MROH2B: variants seen among roughly 807,000 people sequenced by gnomAD.
The protein encoded by MROH2B is maestro heat like repeat family member 2B.
A neutral mutation model predicts 208.6 loss-of-function variants in MROH2B; 177 were observed. The observed-to-expected ratio is 0.85, with a 90% CI of 0.75 to 0.96. The LOEUF (loss-of-function observed/expected upper bound fraction) is 0.96. Ranked by LOEUF, MROH2B falls within the 40% of genes least tolerant of loss-of-function variation. The pLI, the probability that MROH2B is intolerant of heterozygous loss-of-function variation, is 0.00. For missense variants in MROH2B, 2,002 were observed against 1,878.7 expected, an observed-to-expected ratio of 1.07 and a Z score of -1.21; for synonymous variants, 728 against 659.0, an observed-to-expected ratio of 1.10 and a Z score of -1.60.
intron 6 of MROH2B, among the ~76,000 whole-genome samples, chr5:41,060,781 G>GA (rs1743612653): frequency 1.3e-5 from 2 of 152,168 alleles, no homozygotes; most frequent in African/African-American, 4.8e-5. Flanking sequence ...GTGTCTTGAA[G>GA]AAAAAACTTC....
At chr5:41,063,396 T>C (rs187317218) in intron 5 of MROH2B, among the ~76,000 whole-genome samples, 17 of 152,306 alleles carry the variant, frequency 1.1e-4, no homozygotes, top group African/African-American at 3.1e-4. Context: ...GTTTGAAACT[T>C]TCTAAGTCCA....
At chr5:41,020,978 TA>T (rs1280750401) in intron 24 of MROH2B, among the ~76,000 whole-genome samples, 1 of 152,140 alleles carries the variant, frequency 6.6e-6, no homozygotes, top group African/African-American at 2.4e-5. Flanking sequence ...AAAAGGTATC[TA>T]AATTGGAAAA....
intron 13 of MROH2B, 140 bp downstream of exon 13, chr5:41,050,837 C>T (rs1304950666): frequency 3.7e-5 from 22 of 599,366 alleles, no homozygotes; most frequent in East Asian, 6.5e-5. Context: ...TTGGACACAG[C>T]GTTGCAATAT....
chr5:41,031,652 G>C (rs1470044262), intron 24 of MROH2B, among the ~76,000 whole-genome samples: 1 of 151,996 alleles, frequency 6.6e-6, no homozygotes, highest in African/African-American at 2.4e-5. Flanking sequence ...TGGGTAAATT[G>C]CATGTCATGA....
At chr5:41,008,270 A>C (rs1170106246) in intron 33 of MROH2B, among the ~76,000 whole-genome samples, 1 of 152,010 alleles carries the variant, frequency 6.6e-6, no homozygotes, top group Non-Finnish European at 1.5e-5. Flanking sequence ...ATTTATTTTT[A>C]TTTTTCTTTT....
At chr5:41,041,856 G>C (rs1473449939) in intron 19 of MROH2B, among the ~76,000 whole-genome samples, 1 of 152,090 alleles carries the variant, frequency 6.6e-6, no homozygotes, top group African/African-American at 2.4e-5. Context: ...GTCTGGTTAG[G>C]TAAGAATTAT....
chr5:41,005,755 G>A, intron 34 of MROH2B, 110 bp from the exon 35 acceptor site: 1 of 920,722 alleles, frequency 1.1e-6, no homozygotes, highest in East Asian at 2.7e-5. Context: ...GCTTGGCTGG[G>A]GGTGGTGGCT....
At position 41,039,515 on chromosome 5, in the gene MROH2B, A is replaced by G; in HGVS notation, c.1994T>C (p.Leu665Ser). The stretch of plus-strand genomic sequence containing the variant: ...TTTAAGAACTTTTAAAACAATATCC[A>G]AATGGTTCTCGGCACAGTATCCTAA... ...SILGYCAENH[L>S]DIVLKVLKTF... Residue 665 changes from leucine (L) to serine (S), a missense_variant, in exon 20 of 42, where the codon TTG becomes TCG. Leu to Ser is a moderately radical substitution (Grantham distance 145). Transcript: ENST00000399564. 1 of 1,608,262 alleles carries G rather than the reference A, an allele frequency of 6.2e-7. No homozygotes were observed. The highest frequency in any genetic ancestry group is 1.1e-5 in the South Asian group (1 of 89,692).
chr5:41,015,641 C>G (rs1343094853), intron 28 of MROH2B, among the ~76,000 whole-genome samples, 163 bp from the exon 29 acceptor site: 2 of 152,204 alleles, frequency 1.3e-5, no homozygotes, highest in Admixed American at 6.5e-5. Context: ...GGGCACCATG[C>G]AGATACTCTG....
chr5:41,028,902 A>G (rs115897374), intron 24 of MROH2B, among the ~76,000 whole-genome samples: 2,188 of 152,290 alleles, frequency 0.014, 58 homozygotes, highest in African/African-American at 0.05. Flanking sequence ...AATAGTGTAC[A>G]TTGTACCCCA....
intron 24 of MROH2B, among the ~76,000 whole-genome samples, chr5:41,020,664 G>A (rs1051239461): frequency 6.6e-6 from 1 of 151,912 alleles, no homozygotes. Flanking sequence ...TTGCCCAAAG[G>A]TGTTTATCAA....
chr5:41,029,698 G>A (rs1249781333), intron 24 of MROH2B, among the ~76,000 whole-genome samples: 1 of 152,098 alleles, frequency 6.6e-6, no homozygotes, highest in Non-Finnish European at 1.5e-5. Flanking sequence ...GGAAAAGCTT[G>A]AAGATCTTGA....
At chr5:41,001,196 C>T (rs79174889) in intron 37 of MROH2B, among the ~76,000 whole-genome samples, 1 of 152,014 alleles carries the variant, frequency 6.6e-6, no homozygotes, top group Non-Finnish European at 1.5e-5. Context: ...TACTTGGTTG[C>T]GTTACTAGCC....
Position 41,017,927 on chromosome 5 carries a change from G to A in MROH2B, c.2807C>T (p.Ala936Val). The change falls in exon 28 of 42, where the codon GCT (alanine) becomes GTT (valine). Residue 936 changes from alanine (A) to valine (V), a missense_variant. Coordinates refer to ENST00000399564, the MANE Select transcript of MROH2B (RefSeq NM_173489.5). ...GGGCAGGGTATCACAGGAGTGAGGA[G>A]CCAGAAGTCCAAGCAGTGAACCAAT... ...FKIGSLLGLLAPHSCDTLPTI... is the reference protein window; with the variant it reads ...FKIGSLLGLLVPHSCDTLPTI... 6.3e-7 allele frequency: 1 copy of A among 1,583,270 alleles called. No homozygotes were observed. The highest frequency in any genetic ancestry group is 2.3e-5 in the East Asian group (1 of 43,908).
chr5:41,004,244 G>A, intron 37 of MROH2B, 102 bp downstream of exon 37: 4 of 1,377,898 alleles, frequency 2.9e-6, no homozygotes, highest in Non-Finnish European at 3.9e-6. Flanking sequence ...GCAGGCCAAG[G>A]AATATGGGTG....
Position 41,061,704 on chromosome 5 carries a change from C to A in MROH2B, c.481G>T (p.Ala161Ser), listed in dbSNP as rs1235119079. 1 of 1,613,662 alleles carries A rather than the reference C, an allele frequency of 6.2e-7. No homozygotes were observed. The highest frequency in any genetic ancestry group is 1.3e-5 in the African/African-American group (1 of 75,040). Residue 161 changes from alanine (A) to serine (S), a missense_variant, in exon 6 of 42, where the codon GCC becomes TCC. Coordinates refer to ENST00000399564, the MANE Select transcript of MROH2B (RefSeq NM_173489.5). ...CAGTGGTTGACATATTTGTAAATGG[C>A]TTTGCTGAATTTCTCAAGGGCTGCA... ...FCIALEKFSK[A>S]IYKYVNHWRD...
intron 37 of MROH2B, among the ~76,000 whole-genome samples, chr5:41,001,565 G>C (rs1444256155): frequency 2.6e-5 from 4 of 152,036 alleles, no homozygotes; most frequent in Non-Finnish European, 4.4e-5. Flanking sequence ...ATAAAAATTA[G>C]CCAGGCCTGG....
At chr5:41,004,613 A>G in intron 36 of MROH2B, 85 bp from the exon 37 acceptor site, 1 of 1,512,378 alleles carries the variant, frequency 6.6e-7, no homozygotes, top group Non-Finnish European at 8.8e-7. Flanking sequence ...AAGAGGACTG[A>G]AATTTTGTCA....
rs765742102 is a variant in MROH2B, at chr5:41,004,463, A to G, written c.4077T>C (p.Thr1359=). 2 of 1,614,028 alleles carry G rather than the reference A, an allele frequency of 1.2e-6. No individual in the cohort carries two copies. The highest frequency in any genetic ancestry group is 1.1e-5 in the South Asian group (1 of 91,082). ...CCTTCAAGCTTTCACAGACGACTTC[A>G]GTGCGAGCTAGGTGATACAGGCCTC... ...IIRGLYHLAR[T]EVVCESLKAL... The change falls in exon 37 of 42, where the codon ACT becomes ACC. Residue 1359 remains threonine (T), a synonymous_variant. Transcript: ENST00000399564.
Sources: allele counts gnomAD v4.1 joint callset (sites outside exome capture counted in the v4.1 genomes callset), GRCh38; gene constraint gnomAD v4.1.1; transcripts MANE v1.5; gene names NCBI Gene and HGNC (gene_info 2026-07-23, HGNC 2026-07-21).